The following L1TD1 variants were observed in gnomAD, a reference collection of about 807,000 sequenced individuals.
L1TD1 encodes the protein LINE-1 type transposase domain-containing protein 1.
In L1TD1, 26 loss-of-function variants were observed where a neutral mutation model predicts 25.7. The observed-to-expected ratio is 1.01, with a 90% CI of 0.74 to 1.40. L1TD1 has a LOEUF of 1.40. Among genes scored for constraint, L1TD1 ranks in the 40% most tolerant of loss-of-function variants. The pLI is 0.00. For missense variants in L1TD1, 1,130 were observed against 975.0 expected (o/e 1.16, Z -2.12); for synonymous variants, 421 against 335.6 (o/e 1.25, Z -2.78).
At chr1:62,205,443 A>ATATTTTTTTTTTTT (rs1553122597) in intron 2 of L1TD1, among the ~76,000 whole-genome samples, 3 of 63,656 alleles carry the variant, frequency 4.7e-5, no homozygotes, top group African/African-American at 1.7e-4. Context: ...ATATATATAT[A>ATATTTTTTTTTTTT]TTTTTTTTTA....
chr1:62,210,817 C>G lies in L1TD1; in HGVS notation c.2043C>G (p.Thr681=). Reference sequence around the variant, plus strand: ...TCTCTAAGGATACAATGCAAATGACCAAACAGATAATTAGTAAAGAAAGGC... The same window carrying G: ...TCTCTAAGGATACAATGCAAATGACGAAACAGATAATTAGTAAAGAAAGGC... ...EEFSKDTMQM[T]KQIISKERQR... Residue 681 remains threonine, a synonymous_variant, in exon 4 of 4, where the codon ACC becomes ACG. Transcript: ENST00000498273. The G allele has an allele frequency of 6.5e-7, 1 of 1,549,166 alleles. No individual in the cohort carries two copies. The highest frequency in any genetic ancestry group is 8.7e-7 in the Non-Finnish European group (1 of 1,146,482).
rs574901328 is a variant in L1TD1 at position 62,205,175 on chromosome 1, C to T, written c.-110-1344C>T. Among the ~76,000 whole-genome samples the T allele has an allele frequency of 5.0e-4, 76 of 151,320 alleles. 2 individuals carry two copies. Among genetic ancestry groups the T allele is most frequent in the African/African-American group, 1.4e-3 (56 of 41,226 alleles). ...GCCAGCCACCAACATGGTGAAACCT[C>T]GTCTCCACTAAAAATACAAAAAAAA... On this transcript the variant is annotated intron_variant, in intron 2 of 3. Transcript: ENST00000498273.
rs866893197 is a variant in L1TD1, at chr1:62,197,393, T to A, written c.-111+865T>A. On this transcript the variant is annotated intron_variant, in intron 2 of 3. Coordinates refer to ENST00000498273, the MANE Select transcript of L1TD1 (RefSeq NM_019079.5). ...GAGTGAGACGCCCTCTCAAAAAAAA[T>A]AAATTATATATATATATATATATAT... Among the ~76,000 whole-genome samples the A allele has an allele frequency of 6.1e-3, 390 of 64,124 alleles. 2 individuals carry two copies. Among genetic ancestry groups the A allele is most frequent in the Non-Finnish European group, 7.7e-3 (268 of 34,584 alleles). 42.1% of individuals were successfully genotyped at this position (64,124 alleles called of 152,430 possible). A position where few individuals can be genotyped will look rare whatever the true frequency, so the allele number is the denominator to read the frequency against.
At position 62,207,759 on chromosome 1, in the gene L1TD1, T is replaced by C. The variant is rs1195127369; in HGVS notation, c.1008+123T>C. 1.7e-5 allele frequency: 21 copies of C among 1,228,572 alleles called. No individual in the cohort carries two copies. The South Asian group carries it at 3.4e-4, about 20-fold the overall frequency. The allele number at this position is 1,228,572 out of a possible 1,614,324, so 76.1% of individuals were successfully genotyped here. A position where few individuals can be genotyped will look rare whatever the true frequency, so the allele number is the denominator to read the frequency against. On this transcript the variant is annotated intron_variant, in intron 3 of 3. Transcript: ENST00000498273. ...TGGAGTTTCGCTCTTGTCGGCCAGG[T>C]GGGAGTGCAGTGGCACGATCTCGGC... is the stretch of plus-strand genomic sequence containing the variant.
rs1375125238 is a variant in L1TD1, at chr1:62,206,729, A to T, written c.101A>T (p.Asp34Val). ...AAAAGAGAGCAGTTAACAGAAACTG[A>T]TAAGGACATAGCTCCGGTATTAGAT... is the stretch of plus-strand genomic sequence containing the variant. ...YMKREQLTET[D>V]KDIAPVLDLK... Residue 34 changes from aspartate (D) to valine (V), a missense_variant, in exon 3 of 4, where the codon GAT becomes GTT. Transcript: ENST00000498273. The T allele has an allele frequency of 2.6e-6, 4 of 1,551,628 alleles. No individual in the cohort carries two copies. Among genetic ancestry groups the T allele is most frequent in the Admixed American group, 2.0e-5 (1 of 50,978 alleles).
Position 62,212,168 on chromosome 1 carries a change from C to T in L1TD1, c.*796C>T, listed in dbSNP as rs910811560. 1 of 151,974 alleles carries T rather than the reference C, an allele frequency of 6.6e-6. No individual in the cohort carries two copies. The highest frequency in any genetic ancestry group is 2.4e-5 in the African/African-American group (1 of 41,358). 9.4% of individuals were successfully genotyped at this position (151,974 alleles called of 1,614,324 possible). ...CTGTAATCCCAGCAGTTTAGGGGGCCAAGGCAGGTGGGTCACTTGAGCCCA... is the reference window on the plus strand; with the variant it reads ...CTGTAATCCCAGCAGTTTAGGGGGCTAAGGCAGGTGGGTCACTTGAGCCCA... On this transcript the variant is annotated 3_prime_UTR_variant, in exon 4 of 4. Coordinates refer to ENST00000498273, the MANE Select transcript of L1TD1 (RefSeq NM_019079.5).
At position 62,207,216 on chromosome 1, in the gene L1TD1, AAGAG is replaced by A. The variant is rs747039294; in HGVS notation, c.593_596del (p.Glu198ValfsTer13). The A allele has an allele frequency of 2.4e-5, 38 of 1,551,680 alleles. No homozygotes were observed. The highest frequency in any genetic ancestry group is 1.1e-4 in the African/African-American group (8 of 73,058). ...GCAATGTCCATTTAGAATTTACAGAAAGAGAGAGTAGGAAGGATGGAGAGGATGA... is the reference window on the plus strand; with the variant it reads ...GCAATGTCCATTTAGAATTTACAGAAAGAGTAGGAAGGATGGAGAGGATGA... On this transcript the variant is annotated frameshift_variant, in exon 3 of 4. Transcript: ENST00000498273. LOFTEE classifies it high-confidence loss of function.
In L1TD1 at chr1:62,210,542, G is replaced by A. The variant is rs955577840; in HGVS notation, c.1768G>A (p.Glu590Lys). 1.4e-5 allele frequency: 22 copies of A among 1,612,508 alleles called. No individual in the cohort carries two copies. Among genetic ancestry groups the A allele is most frequent in the Non-Finnish European group, 1.7e-5 (20 of 1,179,698 alleles). The change falls in exon 4 of 4, where the codon GAA becomes AAA. Residue 590 changes from glutamate (E) to lysine (K), a missense_variant. Physicochemically the swap from Glu to Lys is moderately conservative, Grantham distance 56. Transcript: ENST00000498273. ...AGGAGTCACCAAACTTAAGAAAACA[G>A]AAGAAAAGAAACACAGAACTCTGCA... Reference protein sequence around the residue: ...STGVTKLKKTEEKKHRTLHTE... With the variant: ...STGVTKLKKTKEKKHRTLHTE...
rs563369835 is a variant in L1TD1 at position 62,206,734 on chromosome 1, G to A, written c.106G>A (p.Asp36Asn). Residue 36 changes from aspartate to asparagine, a missense_variant, in exon 3 of 4, where the codon GAC becomes AAC. Coordinates refer to ENST00000498273, the MANE Select transcript of L1TD1 (RefSeq NM_019079.5). ...KREQLTETDK[D>N]IAPVLDLKCK... Reference sequence around the variant, plus strand: ...AGAGCAGTTAACAGAAACTGATAAGGACATAGCTCCGGTATTAGATTTAAA... The same window carrying A: ...AGAGCAGTTAACAGAAACTGATAAGAACATAGCTCCGGTATTAGATTTAAA... The A allele has an allele frequency of 6.4e-7, 1 of 1,551,738 alleles. No homozygotes were observed. The highest frequency in any genetic ancestry group is 8.7e-7 in the Non-Finnish European group (1 of 1,146,982).
In L1TD1 at chr1:62,205,269, C is replaced by T. The variant is rs564713272; in HGVS notation, c.-110-1250C>T. On this transcript the variant is annotated intron_variant, in intron 2 of 3. Transcript: ENST00000498273. ...GGGAGAATTGCTTAAAGCTGGGAGG[C>T]GGAGGTTGCAGTGAGCCGAGATCGC... Among the ~76,000 whole-genome samples, 416 of 150,154 alleles carry T rather than the reference C, an allele frequency of 2.8e-3. 8 individuals carry two copies. Among genetic ancestry groups the T allele is most frequent in the Non-Finnish European group, 9.6e-4 (65 of 67,600 alleles).
intron 2 of L1TD1, among the ~76,000 whole-genome samples, chr1:62,203,867 A>G (rs1670687878): frequency 6.6e-6 from 1 of 151,876 alleles, no homozygotes; most frequent in Non-Finnish European, 1.5e-5. Flanking sequence ...TTACAGGTGT[A>G]AGCCACCACG....
At position 62,207,536 on chromosome 1, in the gene L1TD1, C is replaced by T. The variant is rs1670775886; in HGVS notation, c.908C>T (p.Ala303Val). 3.2e-6 allele frequency: 5 copies of T among 1,550,846 alleles called. No individual in the cohort carries two copies. The South Asian group carries it at 6.0e-5, about 18-fold the overall frequency. Residue 303 changes from alanine to valine, a missense_variant, in exon 3 of 4, where the codon GCC becomes GTC. Transcript: ENST00000498273. ...GATCTGCAAAGCCTTAGAAAATTTG[C>T]CAGCCAAAAATCTTCTGTGAAAGAA... is the stretch of plus-strand genomic sequence containing the variant. ...FSDLQSLRKFASQKSSVKELL... is the reference protein window; with the variant it reads ...FSDLQSLRKFVSQKSSVKELL...
chr1:62,198,739 T>C (rs1022032367), intron 2 of L1TD1, among the ~76,000 whole-genome samples: 3 of 152,044 alleles, frequency 2.0e-5, no homozygotes, highest in Admixed American at 6.6e-5. Flanking sequence ...TTTCTTGCCC[T>C]TTCCAACCGG....
In L1TD1 at chr1:62,211,518, T is replaced by A. The variant is rs971720320; in HGVS notation, c.*146T>A. 3 of 1,341,086 alleles carry A rather than the reference T, an allele frequency of 2.2e-6. No homozygotes were observed. In the African/African-American group the frequency reaches 4.4e-5, roughly 19 times the overall value. 83.1% of individuals were successfully genotyped at this position (1,341,086 alleles called of 1,614,324 possible). On this transcript the variant is annotated 3_prime_UTR_variant, in exon 4 of 4. Transcript: ENST00000498273. ...TGAGGAGCAAGGAATATTACAGATA[T>A]TACCTAGATGTTAATAAAGGGTATG...
rs919912915 is a variant in L1TD1 at position 62,210,811 on chromosome 1, A to C, written c.2037A>C (p.Gln679His). 1 of 1,549,756 alleles carries C rather than the reference A, an allele frequency of 6.5e-7. No individual in the cohort carries two copies. Among genetic ancestry groups the C allele is most frequent in the African/African-American group, 1.4e-5 (1 of 72,874 alleles). Residue 679 changes from glutamine (Q) to histidine (H), a missense_variant, in exon 4 of 4, where the codon CAA becomes CAC. Physicochemically the swap from Gln to His is conservative, Grantham distance 24. Coordinates refer to ENST00000498273, the MANE Select transcript of L1TD1 (RefSeq NM_019079.5). ...AAGAATTCTCTAAGGATACAATGCA[A>C]ATGACCAAACAGATAATTAGTAAAG... ...QIEEFSKDTM[Q>H]MTKQIISKER...
chr1:62,204,692 G>A (rs10889299), intron 2 of L1TD1, among the ~76,000 whole-genome samples: 20,074 of 151,912 alleles, frequency 0.13, 1,640 homozygotes, highest in African/African-American at 0.22. Context: ...GTGTGGCACC[G>A]TGCCCTGCTT....
At chr1:62,197,300 T>A (rs1343290778) in intron 2 of L1TD1, among the ~76,000 whole-genome samples, 1 of 150,576 alleles carries the variant, frequency 6.6e-6, no homozygotes, top group African/African-American at 2.5e-5. Flanking sequence ...GGCAGGAGAA[T>A]CGCTTGAACC....
Position 62,211,355 on chromosome 1 carries a change from G to A in L1TD1, c.2581G>A (p.Gly861Arg), listed in dbSNP as rs762692663. ...TATGCCCACCTTGAGAGAATTACTG[G>A]GGAATAATATACCTTAGCACGCCAG... ...LHMPTLRELL[G>R]NNIP The change falls in exon 4 of 4, where the codon GGG becomes AGG. Residue 861 changes from glycine (G) to arginine (R), a missense_variant. Physicochemically the swap from Gly to Arg is moderately radical, Grantham distance 125. Coordinates refer to ENST00000498273, the MANE Select transcript of L1TD1 (RefSeq NM_019079.5). 1.2e-6 allele frequency: 2 copies of A among 1,606,402 alleles called. No homozygotes were observed. Among genetic ancestry groups the A allele is most frequent in the Admixed American group, 1.7e-5 (1 of 58,926 alleles).
intron 2 of L1TD1, among the ~76,000 whole-genome samples, chr1:62,202,131 T>A (rs1670650035): frequency 6.6e-6 from 1 of 152,210 alleles, no homozygotes; most frequent in Non-Finnish European, 1.5e-5. Context: ...AGAAACCTTG[T>A]CTCTACTAAA....
Sources: allele counts gnomAD v4.1 joint callset (sites outside exome capture counted in the v4.1 genomes callset), GRCh38; gene constraint gnomAD v4.1.1; transcripts MANE v1.5; gene names NCBI Gene and HGNC (gene_info 2026-07-23, HGNC 2026-07-21).